The following DLGAP2 variants were observed in gnomAD, a reference collection of about 807,000 sequenced individuals.
DLGAP2 encodes DLG associated protein 2, also known as disks large-associated protein 2.
DLGAP2 carries 26 observed loss-of-function variants against 100.3 expected under a neutral mutation model. The ratio of observed to expected loss-of-function variants is 0.26; its 90% confidence interval spans 0.19 to 0.36. The LOEUF is 0.36. DLGAP2 is among the 10% of genes least tolerant of loss of function. DLGAP2 has a pLI of 1.00. For missense variants in DLGAP2, 1,858 were observed against 1,453.2 expected (o/e 1.28, Z -4.53); for synonymous variants, 886 against 630.1 (o/e 1.41, Z -6.08).
At chr8:1,040,151 T>C (rs1198209858) in intron 2 of DLGAP2, among the ~76,000 whole-genome samples, 1 of 67,164 alleles carries the variant, frequency 1.5e-5, no homozygotes, top group East Asian at 5.5e-4. Context: ...GCTGCACGTG[T>C]TCGGCTCGGT....
chr8:1,561,452 C>G (rs1011135998), intron 5 of DLGAP2, among the ~76,000 whole-genome samples: 2 of 152,184 alleles, frequency 1.3e-5, no homozygotes, highest in Admixed American at 1.3e-4. Flanking sequence ...GGTCACAGTT[C>G]AGGATCCTTG....
chr8:1,212,165 T>C (rs945267187), intron 2 of DLGAP2, among the ~76,000 whole-genome samples: 1 of 152,062 alleles, frequency 6.6e-6, no homozygotes, highest in Non-Finnish European at 1.5e-5. Context: ...AAGGGCAAAA[T>C]CCCCACATTC....
intron 1 of DLGAP2, among the ~76,000 whole-genome samples, chr8:832,273 C>G (rs1219458741): frequency 6.6e-6 from 1 of 152,196 alleles, no homozygotes; most frequent in Admixed American, 6.5e-5. Context: ...GTGTTTTAGT[C>G]ATGACGTCCT....
intron 4 of DLGAP2, among the ~76,000 whole-genome samples, chr8:1,535,069 C>T (rs1563206225): frequency 6.6e-6 from 1 of 152,220 alleles, no homozygotes; most frequent in African/African-American, 2.4e-5. Flanking sequence ...CCCGGAGCCA[C>T]CTTCTGTAGG....
intron 2 of DLGAP2, among the ~76,000 whole-genome samples, chr8:1,254,885 C>G (rs908301646): frequency 1.3e-5 from 2 of 151,884 alleles, no homozygotes; most frequent in Non-Finnish European, 2.9e-5. Context: ...CCTCTCCTGC[C>G]CGCGTGCTGT....
chr8:772,716 C>T (rs1821398787), intron 1 of DLGAP2, among the ~76,000 whole-genome samples: 1 of 152,220 alleles, frequency 6.6e-6, no homozygotes, highest in Non-Finnish European at 1.5e-5. Context: ...ACTGGACAGG[C>T]AACGTTACAG....
At chr8:1,009,856 C>G (rs745839420) in intron 2 of DLGAP2, among the ~76,000 whole-genome samples, 1 of 152,242 alleles carries the variant, frequency 6.6e-6, no homozygotes, top group African/African-American at 2.4e-5. Flanking sequence ...ATATCAAATG[C>G]CCATTTATCT....
At chr8:1,327,363 T>A (rs1801045617) in intron 3 of DLGAP2, among the ~76,000 whole-genome samples, 1 of 152,210 alleles carries the variant, frequency 6.6e-6, no homozygotes, top group African/African-American at 2.4e-5. Flanking sequence ...AGGTCATTAG[T>A]CTCTGTAGAG....
chr8:1,132,541 G>C (rs1200506841), intron 2 of DLGAP2, among the ~76,000 whole-genome samples: 1 of 152,214 alleles, frequency 6.6e-6, no homozygotes, highest in East Asian at 1.9e-4. Flanking sequence ...ACTTACTGTA[G>C]CATATATGTG....
intron 1 of DLGAP2, among the ~76,000 whole-genome samples, chr8:815,949 T>C (rs4132704): frequency 6.6e-6 from 1 of 152,204 alleles, no homozygotes; most frequent in African/African-American, 2.4e-5. Context: ...TAGTCCTTTT[T>C]TCAGTGTATA....
intron 2 of DLGAP2, among the ~76,000 whole-genome samples, chr8:1,147,264 A>G (rs898271223): frequency 7.9e-5 from 12 of 152,082 alleles, no homozygotes; most frequent in Non-Finnish European, 1.2e-4. Context: ...GCGTCAAAAA[A>G]ATGATGCTTT....
chr8:1,697,887 G>A (rs1799445673), intron 14 of DLGAP2, among the ~76,000 whole-genome samples: 1 of 152,172 alleles, frequency 6.6e-6, no homozygotes, highest in African/African-American at 2.4e-5. Flanking sequence ...CTTCTTCCGT[G>A]ATGCTGTCAT....
chr8:1,549,798 A>T, intron 5 of DLGAP2, 115 bp downstream of exon 5: 2 of 1,146,300 alleles, frequency 1.7e-6, no homozygotes, highest in South Asian at 1.6e-5. Context: ...GTGCAACAGG[A>T]TGTTCTGAGC....
intron 2 of DLGAP2, among the ~76,000 whole-genome samples, chr8:1,072,879 C>A (rs574273070): frequency 6.6e-6 from 1 of 152,270 alleles, no homozygotes; most frequent in Admixed American, 6.5e-5. Context: ...GCCCGGGGAC[C>A]CTGTGCCTCT....
At chr8:1,697,814 C>A (rs1020833279) in intron 14 of DLGAP2, among the ~76,000 whole-genome samples, 5 of 152,150 alleles carry the variant, frequency 3.3e-5, no homozygotes, top group African/African-American at 1.2e-4. Context: ...TCCTGTAGAT[C>A]CATCAGCCTC....
intron 14 of DLGAP2, among the ~76,000 whole-genome samples, chr8:1,700,312 TG>T (rs1241562023): frequency 6.6e-6 from 1 of 152,230 alleles, no homozygotes; most frequent in African/African-American, 2.4e-5. Context: ...CCTTCTGCCG[TG>T]TGCCCTTTCC....
intron 2 of DLGAP2, among the ~76,000 whole-genome samples, chr8:1,179,561 G>A (rs183251586): frequency 6.6e-6 from 1 of 152,322 alleles, no homozygotes; most frequent in Admixed American, 6.5e-5. Context: ...TACTCAAGAC[G>A]GTGGAATTAA....
intron 2 of DLGAP2, among the ~76,000 whole-genome samples, chr8:1,056,124 C>A (rs1585019241): frequency 1.3e-5 from 2 of 152,186 alleles, no homozygotes; most frequent in Admixed American, 1.3e-4. Context: ...CAGTGTAACA[C>A]TGGAGGGCTT....
At chr8:800,699 T>C (rs997635405) in intron 1 of DLGAP2, among the ~76,000 whole-genome samples, 1 of 152,138 alleles carries the variant, frequency 6.6e-6, no homozygotes, top group Admixed American at 6.5e-5. Context: ...CATGTGTGCA[T>C]GTGTGTGTCT....
Sources: allele counts gnomAD v4.1 joint callset (sites outside exome capture counted in the v4.1 genomes callset), GRCh38; gene constraint gnomAD v4.1.1; transcripts MANE v1.5; gene names NCBI Gene and HGNC (gene_info 2026-07-23, HGNC 2026-07-21).